Variants in BICDL1 observed in about 807,000 individuals in gnomAD.
BICDL1 encodes the protein BICD family-like cargo adapter 1.
Under a neutral mutation model 76.8 loss-of-function variants are expected in BICDL1, and 20 were observed. That is an observed-to-expected ratio of 0.26 (90% CI 0.18 to 0.38). The LOEUF is 0.38. Ranked by LOEUF, BICDL1 falls within the 10% of genes least tolerant of loss-of-function variation. The probability of loss-of-function intolerance (pLI) is 1.00; values close to 1 mark genes in which losing one functional copy is unlikely to be tolerated. For missense variants in BICDL1, 700 were observed against 798.6 expected (o/e 0.88, Z 1.49); for synonymous variants, 383 against 337.1 (o/e 1.14, Z -1.49).
chr12:120,016,828 C>T (rs1952072782), intron 2 of BICDL1, among the ~76,000 whole-genome samples: 1 of 143,028 alleles, frequency 7.0e-6, no homozygotes, highest in South Asian at 2.3e-4. Flanking sequence ...CAAGAGGACT[C>T]CTTTTTAGTA....
Position 120,091,125 on chromosome 12 carries a change from G to A in BICDL1, c.1704+1054G>A, listed in dbSNP as rs543180386. 692 of 1,249,736 alleles carry A rather than the reference G, an allele frequency of 5.5e-4. 3 individuals carry two copies. Among genetic ancestry groups the A allele is most frequent in the African/African-American group, 4.1e-3 (263 of 64,798 alleles). 77.4% of individuals were successfully genotyped at this position (1,249,736 alleles called of 1,614,324 possible). A position where few individuals can be genotyped will look rare whatever the true frequency, so the allele number is the denominator to read the frequency against. ...TGTGTTCTGTGTGCTGGAGCCTGGC[G>A]TCATCTCTGTGCAGTGTGACATGCC... On this transcript the variant is annotated intron_variant, in intron 9 of 9. Transcript: ENST00000548673.
At chr12:120,086,211 G>C (rs996643841) in intron 8 of BICDL1, among the ~76,000 whole-genome samples, 3 of 152,138 alleles carry the variant, frequency 2.0e-5, no homozygotes, top group African/African-American at 7.2e-5. Flanking sequence ...GACTCCTATA[G>C]AACAGGGCTG....
chr12:120,072,534 C>G lies in BICDL1; in HGVS notation c.1113C>G (p.Ala371=). 6.2e-7 allele frequency: 1 copy of G among 1,614,124 alleles called. No homozygotes were observed. Among genetic ancestry groups the G allele is most frequent in the Non-Finnish European group, 8.5e-7 (1 of 1,179,980 alleles). ...AGCTGAGACTGCAGCTCTGGGAAGC[C>G]TACTGCCAGGTTCGCTATCTGTGCT... is the stretch of plus-strand genomic sequence containing the variant. ...REQLRLQLWE[A]YCQVRYLCSH... Residue 371 remains alanine (A), a synonymous_variant, in exon 6 of 10, where the codon GCC becomes GCG. Coordinates refer to ENST00000548673, the MANE Select transcript of BICDL1 (RefSeq NM_001367886.1).
rs570369885 is a variant in BICDL1, at chr12:120,050,591, T to A, written c.646-11119T>A. On this transcript the variant is annotated intron_variant, in intron 2 of 9. Coordinates refer to ENST00000548673, the MANE Select transcript of BICDL1 (RefSeq NM_001367886.1). ...CTAGATCTGTTTTCTTAATGATGTC[T>A]TCTAATGCTTAGAAGTCTTTAATTT... Among the ~76,000 whole-genome samples the A allele has an allele frequency of 9.9e-5, 15 of 152,142 alleles. No individual in the cohort carries two copies. The East Asian group carries it at 2.9e-3, about 29-fold the overall frequency.
intron 9 of BICDL1, chr12:120,091,396 T>C: frequency 9.9e-7 from 1 of 1,013,680 alleles, no homozygotes; most frequent in Non-Finnish European, 1.2e-6. Flanking sequence ...TTGGCAGCTT[T>C]GAAAGGTTGG....
At chr12:120,072,865 T>C in intron 6 of BICDL1, 136 bp downstream of exon 6, 3 of 767,266 alleles carry the variant, frequency 3.9e-6, no homozygotes, top group Admixed American at 2.7e-5. Flanking sequence ...TGAGCCCTTA[T>C]TGGTTGTTTT....
chr12:120,042,664 G>A (rs1250745979), intron 2 of BICDL1, among the ~76,000 whole-genome samples: 2 of 151,994 alleles, frequency 1.3e-5, no homozygotes, highest in African/African-American at 2.4e-5. Flanking sequence ...AATTAGCTGC[G>A]TTTGGTGGCG....
intron 2 of BICDL1, among the ~76,000 whole-genome samples, chr12:120,044,253 C>T (rs1952702288): frequency 6.6e-6 from 1 of 152,144 alleles, no homozygotes; most frequent in African/African-American, 2.4e-5. Context: ...AACTTTGTAA[C>T]CTTCTTTTTA....
intron 2 of BICDL1, among the ~76,000 whole-genome samples, chr12:120,007,000 C>T (rs1478305441): frequency 2.6e-5 from 4 of 151,908 alleles, no homozygotes; most frequent in African/African-American, 4.8e-5. Context: ...AGTGTTGAAA[C>T]GGGTTAGGTT....
chr12:120,009,286 G>C (rs1321637028), intron 2 of BICDL1, among the ~76,000 whole-genome samples: 2 of 152,084 alleles, frequency 1.3e-5, no homozygotes, highest in Admixed American at 6.6e-5. Context: ...GCGCCTGGCT[G>C]AGCCTGTTCT....
At chr12:120,080,850 G>A in intron 7 of BICDL1, 37 bp from the exon 8 acceptor site, 1 of 1,605,644 alleles carries the variant, frequency 6.2e-7, no homozygotes, top group Non-Finnish European at 8.5e-7. Context: ...AACCACCCAG[G>A]ACAGCAGCAG....
chr12:120,003,487 T>A (rs1021171468), intron 2 of BICDL1, among the ~76,000 whole-genome samples: 3 of 152,224 alleles, frequency 2.0e-5, no homozygotes, highest in African/African-American at 7.2e-5. Flanking sequence ...TCTTTAGAAG[T>A]GCACTCCTGA....
intron 1 of BICDL1, among the ~76,000 whole-genome samples, chr12:119,995,725 G>A (rs1290845159): frequency 1.3e-5 from 2 of 152,272 alleles, no homozygotes; most frequent in African/African-American, 4.8e-5. Context: ...GGTGGCTCAC[G>A]CCTGTAATCC....
intron 2 of BICDL1, among the ~76,000 whole-genome samples, chr12:120,051,927 T>TGTTGTTG (rs1952867474): frequency 6.6e-6 from 1 of 151,652 alleles, no homozygotes; most frequent in African/African-American, 2.4e-5. Context: ...TTTCTCAGTC[T>TGTTGTTG]TTGTTGTTGT....
At chr12:120,029,571 T>C (rs1329446635) in intron 2 of BICDL1, among the ~76,000 whole-genome samples, 1 of 152,228 alleles carries the variant, frequency 6.6e-6, no homozygotes, top group East Asian at 1.9e-4. Context: ...ATTTGCAGTA[T>C]ATGTTAGTAC....
rs1161780935 is a variant in BICDL1, at chr12:120,093,112, C to T, written c.1817C>T (p.Pro606Leu). ...RGHSAGRGDE[P>L]SIAEGKRLFS... is the part of the protein sequence containing the mutation. ...CACAGCGCTGGGCGGGGGGATGAGC[C>T]CAGCATCGCTGAAGGCAAACGACTC... The change falls in exon 10 of 10, where the codon CCC becomes CTC. Residue 606 changes from proline (P) to leucine (L), a missense_variant. Physicochemically the swap from Pro to Leu is moderately conservative, Grantham distance 98 (BLOSUM62 -3). Transcript: ENST00000548673. 4.3e-6 allele frequency: 7 copies of T among 1,613,652 alleles called. No homozygotes were observed. Among genetic ancestry groups the T allele is most frequent in the Non-Finnish European group, 5.9e-6 (7 of 1,179,736 alleles).
At chr12:120,019,287 A>G (rs947147966) in intron 2 of BICDL1, 3 of 151,822 alleles carry the variant, frequency 2.0e-5, no homozygotes, top group South Asian at 2.1e-4. Flanking sequence ...TATCTGGCTT[A>G]GTGAATTGTA....
intron 2 of BICDL1, among the ~76,000 whole-genome samples, chr12:120,021,013 G>A (rs1323287033): frequency 6.6e-6 from 1 of 152,176 alleles, no homozygotes; most frequent in Non-Finnish European, 1.5e-5. Context: ...TGGTCTCGTG[G>A]TGTCTACACC....
At chr12:120,080,785 A>G in intron 7 of BICDL1, 102 bp from the exon 8 acceptor site, 3 of 1,355,652 alleles carry the variant, frequency 2.2e-6, no homozygotes, top group Non-Finnish European at 3.0e-6. Flanking sequence ...ACCCCCACAC[A>G]TGTACCCTGG....
Sources: gnomAD v4.1 joint callset for allele counts (sites outside exome capture counted in the v4.1 genomes callset) on GRCh38, gnomAD v4.1.1 for gene constraint, MANE v1.5 for transcripts, NCBI Gene and HGNC (gene_info 2026-07-23, HGNC 2026-07-21) for gene names.